Variants in SHISAL1 observed in about 807,000 individuals in gnomAD.
SHISAL1 encodes protein shisa-like-1.
SHISAL1 carries 9 observed loss-of-function variants against 22.6 expected under a neutral mutation model. The ratio of observed to expected loss-of-function variants is 0.40; its 90% confidence interval spans 0.24 to 0.70. The LOEUF is 0.70. SHISAL1 is among the 30% of genes least tolerant of loss of function. SHISAL1 has a pLI of 0.39. For missense variants in SHISAL1, 246 were observed against 270.6 expected (o/e 0.91, Z 0.64); for synonymous variants, 119 against 115.4 (o/e 1.03, Z -0.20).
chr22:44,317,431 G>A (rs367630854), upstream of SHISAL1, among the ~76,000 whole-genome samples: 1 of 152,186 alleles, frequency 6.6e-6, no homozygotes, highest in Non-Finnish European at 1.5e-5. Flanking sequence ...AGTGGCTCTC[G>A]GCTGCCTTCT....
chr22:44,302,635 GT>G (rs1294070014), intron 1 of SHISAL1, among the ~76,000 whole-genome samples: 9 of 151,910 alleles, frequency 5.9e-5, no homozygotes, highest in African/African-American at 2.2e-4. Context: ...AGGCCCTGGG[GT>G]GGGTGCGGTG....
the SHISAL1 span, among the ~76,000 whole-genome samples, chr22:44,320,215 CA>C: frequency 6.6e-6 from 1 of 152,176 alleles, no homozygotes; most frequent in Non-Finnish European, 1.5e-5. Context: ...GAGAGAGGGA[CA>C]GAAGGACCTC....
At chr22:44,268,103 C>T (rs960251226) in intron 4 of SHISAL1, among the ~76,000 whole-genome samples, 2 of 152,184 alleles carry the variant, frequency 1.3e-5, no homozygotes, top group African/African-American at 4.8e-5. Context: ...TCCTGATGTT[C>T]GGTCACTTCT....
At chr22:44,331,367 C>G in the SHISAL1 span, among the ~76,000 whole-genome samples, 1 of 151,326 alleles carries the variant, frequency 6.6e-6, no homozygotes, top group Admixed American at 6.6e-5. This position sits in a 1 kb window ranked among gnomAD's most constrained non-coding sequence, Gnocchi z 5.2. Context: ...CCCCGCCCCC[C>G]ACTCGCCCAG....
chr22:44,319,096 G>C, the SHISAL1 span, among the ~76,000 whole-genome samples: 206 of 152,384 alleles, frequency 1.4e-3, 2 homozygotes, highest in East Asian at 0.036. Flanking sequence ...GAAGACTCCA[G>C]GCCACGGAGG....
chr22:44,290,345 T>TA (rs1295219054), intron 3 of SHISAL1, among the ~76,000 whole-genome samples: 1 of 152,104 alleles, frequency 6.6e-6, no homozygotes, highest in African/African-American at 2.4e-5. Flanking sequence ...GCCTGACTAA[T>TA]ACGGAGAAAC....
In SHISAL1 at chr22:44,285,750, G is replaced by A. The variant is rs188381755; in HGVS notation, c.282-5C>T. ...CCCAACAAGGCGGTGTAATTGCTGC[G>A]AACAAACAGAGAGGGAGTGAGCAAG... On this transcript the variant is annotated splice_region_variant and splice_polypyrimidine_tract_variant and intron_variant, in intron 3 of 4. Coordinates refer to ENST00000381176, the MANE Select transcript of SHISAL1 (RefSeq NM_001099294.2). The A allele has an allele frequency of 2.2e-3, 3,502 of 1,605,578 alleles. 7 individuals are homozygous for A. Among genetic ancestry groups the A allele is most frequent in the Non-Finnish European group, 2.7e-3 (3,178 of 1,173,768 alleles).
Position 44,248,515 on chromosome 22 carries a change from T to A in SHISAL1, c.*1170A>T, listed in dbSNP as rs575353196. 1.3e-5 allele frequency: 2 copies of A among 152,158 alleles called. No individual in the cohort carries two copies. The highest frequency in any genetic ancestry group is 4.8e-5 in the African/African-American group (2 of 41,516). 9.4% of individuals were successfully genotyped at this position (152,158 alleles called of 1,614,324 possible). On this transcript the variant is annotated 3_prime_UTR_variant, in exon 5 of 5. Transcript: ENST00000381176. The stretch of plus-strand genomic sequence containing the variant: ...TGGGTGGATGTTACGGGCATGGAAG[T>A]CCTACTTGAAAGTGGATGGATTTCT...
chr22:44,265,216 A>G (rs2055153813), intron 4 of SHISAL1, among the ~76,000 whole-genome samples: 1 of 152,174 alleles, frequency 6.6e-6, no homozygotes, highest in South Asian at 2.1e-4. Flanking sequence ...GGACGGAGGC[A>G]AGTGGCTCGC....
rs1601808416 is a variant in SHISAL1, at chr22:44,310,599, C to A, written c.-33+2152G>T. ...TAGAAAGGACCAGAAGCTAGCAGGG[C>A]ACCCAGAACATTAGCAGCTGATCCA... On this transcript the variant is annotated intron_variant, in intron 1 of 4. Coordinates refer to ENST00000381176, the MANE Select transcript of SHISAL1 (RefSeq NM_001099294.2). This position sits in a 1 kb window ranked among gnomAD's most constrained non-coding sequence, Gnocchi z 4.0. Among the ~76,000 whole-genome samples, 2 of 152,300 alleles carry A rather than the reference C, an allele frequency of 1.3e-5. No individual in the cohort carries two copies. Among genetic ancestry groups the A allele is most frequent in the South Asian group, 2.1e-4 (1 of 4,828 alleles).
chr22:44,253,693 C>T (rs142290055), intron 4 of SHISAL1, among the ~76,000 whole-genome samples: 6 of 151,704 alleles, frequency 4.0e-5, no homozygotes, highest in South Asian at 2.1e-4. Context: ...CTGCCCACCT[C>T]GGCCTCCCAA....
chr22:44,291,509 T>C (rs2055352335), intron 3 of SHISAL1, among the ~76,000 whole-genome samples: 1 of 152,068 alleles, frequency 6.6e-6, no homozygotes, highest in Admixed American at 6.5e-5. Flanking sequence ...TCAGGCCCCT[T>C]GTGTTGGAGG....
At chr22:44,299,741 AAGAC>A (rs1201053368) in intron 2 of SHISAL1, among the ~76,000 whole-genome samples, 3 of 151,728 alleles carry the variant, frequency 2.0e-5, no homozygotes, top group Non-Finnish European at 4.4e-5. Context: ...CAGAGACAGA[AAGAC>A]AGAGTCAGAG....
In SHISAL1 at chr22:44,267,976, C is replaced by T. The variant is rs781704341; in HGVS notation, c.599+17452G>A. Among the ~76,000 whole-genome samples the T allele has an allele frequency of 1.6e-3, 243 of 152,354 alleles. 4 individuals are homozygous for T. The highest frequency in any genetic ancestry group is 2.5e-4 in the Non-Finnish European group (17 of 68,038). On this transcript the variant is annotated intron_variant, in intron 4 of 4. Transcript: ENST00000381176. ...AGGGCTGGGAGCCTCTGCAGAGACA[C>T]GGCCGGAGGCTGCCCTGGCTTTGGG...
At chr22:44,303,944 GC>G (rs2055451854) in intron 1 of SHISAL1, among the ~76,000 whole-genome samples, 1 of 150,258 alleles carries the variant, frequency 6.7e-6, no homozygotes, top group African/African-American at 2.4e-5. Context: ...GAGGCCCTCC[GC>G]CCCCCAGGAG....
the SHISAL1 span, among the ~76,000 whole-genome samples, chr22:44,326,720 A>T: frequency 6.6e-6 from 1 of 152,134 alleles, no homozygotes; most frequent in African/African-American, 2.4e-5. Flanking sequence ...GAAGGAGAGC[A>T]GGCTGGGGGG....
At chr22:44,327,212 C>T in the SHISAL1 span, among the ~76,000 whole-genome samples, 25 of 151,490 alleles carry the variant, frequency 1.7e-4, no homozygotes, top group African/African-American at 5.8e-4. Context: ...TGCCCACCCC[C>T]TTGAGGGCTG....
intron 4 of SHISAL1, among the ~76,000 whole-genome samples, chr22:44,269,387 A>G (rs1033101911): frequency 1.3e-5 from 2 of 150,874 alleles, no homozygotes; most frequent in Non-Finnish European, 1.5e-5. Flanking sequence ...ACACCATGAC[A>G]CACAGACACC....
chr22:44,266,479 T>G (rs1229541151), intron 4 of SHISAL1, among the ~76,000 whole-genome samples: 1 of 116,600 alleles, frequency 8.6e-6, no homozygotes, highest in East Asian at 2.4e-4. Context: ...GGGCTGTGTG[T>G]GTGTCTGTTG....
Sources: allele counts gnomAD v4.1 joint callset (sites outside exome capture counted in the v4.1 genomes callset), GRCh38; gene constraint gnomAD v4.1.1; non-coding constraint Gnocchi (gnomAD v3.1); transcripts MANE v1.5; gene names NCBI Gene and HGNC (gene_info 2026-07-23, HGNC 2026-07-21).